The following SLC4A10 variants were observed in gnomAD, a reference collection of about 807,000 sequenced individuals.
SLC4A10 encodes sodium-driven chloride bicarbonate exchanger.
A neutral mutation model predicts 137.7 loss-of-function variants in SLC4A10; 42 were observed. The observed-to-expected ratio is 0.30, with a 90% confidence interval of 0.24 to 0.39. The LOEUF (loss-of-function observed/expected upper bound fraction) is 0.39, where lower values mean the gene tolerates loss of function less well. Among genes scored for constraint, SLC4A10 ranks in the 10% least tolerant of loss-of-function variants. SLC4A10 has a pLI of 1.00. For synonymous variants in SLC4A10, 474 were observed against 464.1 expected (o/e 1.02, Z -0.27); for missense variants, 925 against 1,355.0 (o/e 0.68, Z 4.98).
At chr2:161,944,806 C>T (rs1052765152) in intron 16 of SLC4A10, among the ~76,000 whole-genome samples, 1 of 151,500 alleles carries the variant, frequency 6.6e-6, no homozygotes, top group Non-Finnish European at 1.5e-5. Context: ...AAATTTTTGT[C>T]TAATTGTTAT....
At chr2:161,723,792 C>T (rs1283282883) in intron 1 of SLC4A10, among the ~76,000 whole-genome samples, 1 of 152,138 alleles carries the variant, frequency 6.6e-6, no homozygotes, top group Non-Finnish European at 1.5e-5. Flanking sequence ...TTTCAAAAAA[C>T]ATTCCAAGTA....
intron 1 of SLC4A10, among the ~76,000 whole-genome samples, chr2:161,627,573 T>C (rs2105377559): frequency 6.6e-6 from 1 of 152,242 alleles, no homozygotes; most frequent in South Asian, 2.1e-4. Flanking sequence ...TTTAGTATAG[T>C]ATATATAAAG....
chr2:161,723,251 G>A (rs2045883216), intron 1 of SLC4A10, among the ~76,000 whole-genome samples: 1 of 152,188 alleles, frequency 6.6e-6, no homozygotes, highest in African/African-American at 2.4e-5. Context: ...TTACCAGGCA[G>A]GTACTACAAT....
chr2:161,772,623 A>G (rs1432190144), intron 2 of SLC4A10, among the ~76,000 whole-genome samples: 1 of 151,888 alleles, frequency 6.6e-6, no homozygotes, highest in Non-Finnish European at 1.5e-5. Flanking sequence ...TGTTCTATTT[A>G]CTGATTTCAA....
At chr2:161,774,056 T>C (rs1254091347) in intron 2 of SLC4A10, among the ~76,000 whole-genome samples, 2 of 151,822 alleles carry the variant, frequency 1.3e-5, no homozygotes. Context: ...TCCTTAATAC[T>C]GCCAGAGTGT....
chr2:161,888,354 A>T (rs781050364), intron 10 of SLC4A10, among the ~76,000 whole-genome samples: 2 of 152,102 alleles, frequency 1.3e-5, no homozygotes, highest in Admixed American at 6.6e-5. Flanking sequence ...CTTGATGGGG[A>T]TAGCATTGAA....
chr2:161,972,562 C>G (rs1218317413), intron 23 of SLC4A10, among the ~76,000 whole-genome samples: 3 of 152,062 alleles, frequency 2.0e-5, no homozygotes, highest in Non-Finnish European at 4.4e-5. Flanking sequence ...AAGTAGAATA[C>G]ATTTGATAGG....
intron 3 of SLC4A10, among the ~76,000 whole-genome samples, chr2:161,833,184 A>G (rs570533552): frequency 1.1e-4 from 17 of 152,360 alleles, no homozygotes; most frequent in Admixed American, 9.2e-4. Context: ...GAGGTGGGTC[A>G]TGGAATGTTG....
At chr2:161,702,623 TA>T (rs944222232) in intron 1 of SLC4A10, among the ~76,000 whole-genome samples, 2 of 151,832 alleles carry the variant, frequency 1.3e-5, no homozygotes, top group African/African-American at 4.8e-5. Flanking sequence ...TTTCAATGAG[TA>T]AAATAGCTTG....
chr2:161,714,886 G>A (rs2044674582), intron 1 of SLC4A10, among the ~76,000 whole-genome samples: 1 of 151,950 alleles, frequency 6.6e-6, no homozygotes, highest in African/African-American at 2.4e-5. Flanking sequence ...TGCCTAGAGT[G>A]TTTGATACAG....
rs1258235417 is a variant in SLC4A10 at position 161,974,335 on chromosome 2, AAC to A, written c.3227+23_3227+24del. The A allele has an allele frequency of 6.3e-7, 1 of 1,577,154 alleles. No homozygotes were observed. The highest frequency in any genetic ancestry group is 8.6e-7 in the Non-Finnish European group (1 of 1,158,014). On this transcript the variant is annotated intron_variant, in intron 24 of 26. Transcript: ENST00000446997. ...ACTATAGGTAAGACATAAATTTAAA[AAC>A]ACATCAATTAAAGTAATGAAATGCA...
chr2:161,982,230 A>G (rs1381436884), intron 26 of SLC4A10, among the ~76,000 whole-genome samples: 1 of 152,156 alleles, frequency 6.6e-6, no homozygotes, highest in Non-Finnish European at 1.5e-5. Flanking sequence ...TTGTGTCAGC[A>G]GTGGGGAGGG....
intron 1 of SLC4A10, among the ~76,000 whole-genome samples, chr2:161,678,813 T>C (rs2040540169): frequency 6.6e-6 from 1 of 152,190 alleles, no homozygotes. Context: ...TTTTTCTATG[T>C]AGTATTTCAT....
intron 8 of SLC4A10, among the ~76,000 whole-genome samples, chr2:161,878,493 T>G (rs545595139): frequency 6.6e-6 from 1 of 152,310 alleles, no homozygotes; most frequent in Admixed American, 6.5e-5. Flanking sequence ...AAACATCTCA[T>G]GTCAGAAATT....
intron 15 of SLC4A10, among the ~76,000 whole-genome samples, chr2:161,925,208 A>G (rs899317286): frequency 2.2e-4 from 34 of 152,150 alleles, no homozygotes; most frequent in African/African-American, 7.0e-4. Context: ...GCTATTGATT[A>G]TTGTCACAAT....
chr2:161,854,561 A>G (rs1482461407), intron 4 of SLC4A10, among the ~76,000 whole-genome samples: 1 of 152,186 alleles, frequency 6.6e-6, no homozygotes, highest in African/African-American at 2.4e-5. Flanking sequence ...AGACTAAAAT[A>G]TTCAGGTTTA....
At chr2:161,907,466 C>T (rs1256976822) in intron 15 of SLC4A10, among the ~76,000 whole-genome samples, 1 of 152,182 alleles carries the variant, frequency 6.6e-6, no homozygotes, top group Non-Finnish European at 1.5e-5. Context: ...AGGCACTATA[C>T]TAGGTGCTAG....
At chr2:161,806,009 A>T (rs1404937675) in intron 3 of SLC4A10, among the ~76,000 whole-genome samples, 1 of 152,110 alleles carries the variant, frequency 6.6e-6, no homozygotes, top group Non-Finnish European at 1.5e-5. Context: ...ATTTCCATAC[A>T]TCCTCTGAAA....
intron 1 of SLC4A10, among the ~76,000 whole-genome samples, chr2:161,647,342 G>C (rs1293140992): frequency 6.6e-6 from 1 of 152,040 alleles, no homozygotes. Flanking sequence ...CAAATTAGAA[G>C]AGATTAAACC....
Sources: gnomAD v4.1 joint callset for allele counts (sites outside exome capture counted in the v4.1 genomes callset) on GRCh38, gnomAD v4.1.1 for gene constraint, MANE v1.5 for transcripts, NCBI Gene and HGNC (gene_info 2026-07-23, HGNC 2026-07-21) for gene names.